LGALS8: variants seen among roughly 807,000 people sequenced by gnomAD.
The protein encoded by LGALS8 is galectin-8.
Under a neutral mutation model 35.9 loss-of-function variants are expected in LGALS8, and 30 were observed. That is an observed-to-expected ratio of 0.83 (90% CI 0.62 to 1.13). The LOEUF (loss-of-function observed/expected upper bound fraction) is 1.13, where lower values mean the gene tolerates loss of function less well. Among genes scored for constraint, LGALS8 ranks in the 50% most tolerant of loss-of-function variants. The pLI is 0.00. For missense variants in LGALS8, 366 were observed against 388.7 expected (o/e 0.94, Z 0.49); for synonymous variants, 138 against 136.1 (o/e 1.01, Z -0.10).
At chr1:236,545,081 G>C in intron 9 of LGALS8, 166 bp downstream of exon 9, 1 of 525,790 alleles carries the variant, frequency 1.9e-6, no homozygotes, top group Admixed American at 3.4e-5. Context: ...TGGGCAATCA[G>C]TATAAATGGC....
At chr1:236,545,949 G>C (rs886142562) in intron 9 of LGALS8, among the ~76,000 whole-genome samples, 1 of 152,164 alleles carries the variant, frequency 6.6e-6, no homozygotes, top group African/African-American at 2.4e-5. Context: ...GGGTTCACTG[G>C]AGGGAAACAG....
At chr1:236,523,183 A>G (rs1660606129), upstream of LGALS8, 1 of 152,220 alleles carries the variant, frequency 6.6e-6, no homozygotes, top group Admixed American at 6.5e-5. Context: ...CGGGTATTTA[A>G]GAGCATCTAA....
rs111840857 is a variant in LGALS8 at position 236,535,017 on chromosome 1, C to T, written c.46-2480C>T. Among the ~76,000 whole-genome samples, 214 of 137,460 alleles carry T rather than the reference C, an allele frequency of 1.6e-3. 1 individual carries two copies. The highest frequency in any genetic ancestry group is 5.1e-3 in the African/African-American group (185 of 36,462). The allele number at this position is 137,460 out of a possible 152,430, so 90.2% of individuals were successfully genotyped here. On this transcript the variant is annotated intron_variant, in intron 2 of 9. Transcript: ENST00000366584. ...CAGAGGTTGCAGTGAGCTGAGATCA[C>T]GCCACTGCACTCTAGCCTGGGGGAC...
chr1:236,540,393 C>T, intron 4 of LGALS8, 171 bp from the exon 5 acceptor site: 1 of 562,986 alleles, frequency 1.8e-6, no homozygotes, highest in Non-Finnish European at 2.8e-6. Flanking sequence ...AGTTTGGAAG[C>T]ACTGCTAGTG....
intron 6 of LGALS8, 113 bp downstream of exon 6, chr1:236,541,823 G>A: frequency 1.8e-6 from 1 of 571,198 alleles, no homozygotes; most frequent in East Asian, 3.3e-5. Context: ...TAGAACGCAA[G>A]TAATCACTTG....
intron 8 of LGALS8, among the ~76,000 whole-genome samples, chr1:236,544,531 G>GA (rs1553278249): frequency 6.7e-6 from 1 of 149,332 alleles, no homozygotes; most frequent in East Asian, 2.0e-4. Flanking sequence ...ATTTTAAAGG[G>GA]TTTTTTTTTT....
intron 6 of LGALS8, chr1:236,542,485 A>G (rs1174219141): frequency 2.0e-6 from 1 of 496,504 alleles, no homozygotes; most frequent in Non-Finnish European, 3.6e-6. Context: ...GTCTCTTAAA[A>G]AAATTTCATA....
At chr1:236,540,376 CAA>C (rs1661899912) in intron 4 of LGALS8, 186 bp from the exon 5 acceptor site, 1 of 510,478 alleles carries the variant, frequency 2.0e-6, no homozygotes, top group Non-Finnish European at 3.3e-6. Context: ...ATCAGGAACT[CAA>C]AAGAAGTTTG....
chr1:236,534,385 T>G (rs1464867023), intron 2 of LGALS8, among the ~76,000 whole-genome samples: 3 of 152,204 alleles, frequency 2.0e-5, no homozygotes, highest in Non-Finnish European at 4.4e-5. Context: ...AAGGGTGTTT[T>G]GGGAAATAAC....
In LGALS8 at chr1:236,552,408, C is replaced by A; in HGVS notation, c.*4247C>A. ...TAAAAAAAACCAATAAAATAAAATG[C>A]CGCATGCAAACTCAAGTGTGTCACC... On this transcript the variant is annotated 3_prime_UTR_variant, in exon 10 of 10. Coordinates refer to ENST00000366584, the MANE Select transcript of LGALS8 (RefSeq NM_201544.4). 1 of 187,624 alleles carries A rather than the reference C, an allele frequency of 5.3e-6. No homozygotes were observed. The highest frequency in any genetic ancestry group is 1.1e-5 in the Non-Finnish European group (1 of 92,000). 11.6% of individuals were successfully genotyped at this position (187,624 alleles called of 1,614,324 possible). A position where few individuals can be genotyped will look rare whatever the true frequency, so the allele number is the denominator to read the frequency against.
chr1:236,539,857 T>G (rs1661848158), intron 4 of LGALS8, among the ~76,000 whole-genome samples: 1 of 152,234 alleles, frequency 6.6e-6, no homozygotes, highest in African/African-American at 2.4e-5. Context: ...TGCTTTGGCT[T>G]TACGTGTTTA....
intron 2 of LGALS8, among the ~76,000 whole-genome samples, chr1:236,528,063 A>C (rs1571990866): frequency 6.6e-6 from 1 of 151,138 alleles, no homozygotes; most frequent in African/African-American, 2.4e-5. Flanking sequence ...ATAATCAATT[A>C]GTATATTTTA....
In LGALS8 at chr1:236,540,635, C is replaced by T; in HGVS notation, c.417C>T (p.Gly139=). ...RIGPEKIDTL[G]IYGKVNIHSI... is the part of the protein sequence containing the mutation. Reference sequence around the variant, plus strand: ...GCCCAGAGAAAATAGACACTCTGGGCATTTATGGCAAAGTGAATATTCACT... The same window carrying T: ...GCCCAGAGAAAATAGACACTCTGGGTATTTATGGCAAAGTGAATATTCACT... The change falls in exon 5 of 10, where the codon GGC becomes GGT. Residue 139 remains glycine, a synonymous_variant. Transcript: ENST00000366584. 1 of 1,611,192 alleles carries T rather than the reference C, an allele frequency of 6.2e-7. No homozygotes were observed. The highest frequency in any genetic ancestry group is 8.5e-7 in the Non-Finnish European group (1 of 1,178,842).
chr1:236,539,595 A>ACG (rs368254803), intron 4 of LGALS8, among the ~76,000 whole-genome samples: 21 of 151,888 alleles, frequency 1.4e-4, no homozygotes, highest in Non-Finnish European at 2.1e-4. Flanking sequence ...CCTAGCGTGT[A>ACG]TGTGTACGGT....
upstream of LGALS8, among the ~76,000 whole-genome samples, chr1:236,521,573 A>G (rs1660550969): frequency 6.6e-6 from 1 of 152,202 alleles, no homozygotes; most frequent in African/African-American, 2.4e-5. Context: ...TCACACCTGC[A>G]ATCCCAGGTT....
intron 2 of LGALS8, among the ~76,000 whole-genome samples, chr1:236,531,168 T>A (rs999730789): frequency 6.6e-6 from 1 of 152,214 alleles, no homozygotes; most frequent in Non-Finnish European, 1.5e-5. Flanking sequence ...TGTGAAGGGC[T>A]GTGTCTTTTT....
intron 3 of LGALS8, among the ~76,000 whole-genome samples, chr1:236,537,995 C>T (rs1661669434): frequency 6.8e-6 from 1 of 146,500 alleles, no homozygotes; most frequent in African/African-American, 2.5e-5. Context: ...GTTGTAGCTA[C>T]TCAGGGGGCT....
intron 9 of LGALS8, among the ~76,000 whole-genome samples, chr1:236,547,266 T>C (rs867879023): frequency 6.6e-6 from 1 of 152,214 alleles, no homozygotes; most frequent in African/African-American, 2.4e-5. Flanking sequence ...GTAAAGGTGA[T>C]GTAAAAGGCT....
chr1:236,551,361 AC>A lies in LGALS8; in HGVS notation c.*3204del. Reference sequence around the variant, plus strand: ...AAAGGACTGATCTACTTGCTCCACCACCCCTCCCTTAATAATAACATTTACT... The same window carrying A: ...AAAGGACTGATCTACTTGCTCCACCACCCTCCCTTAATAATAACATTTACT... On this transcript the variant is annotated 3_prime_UTR_variant, in exon 10 of 10. Coordinates refer to ENST00000366584, the MANE Select transcript of LGALS8 (RefSeq NM_201544.4). 5.3e-6 allele frequency: 1 copy of A among 188,298 alleles called. No individual in the cohort carries two copies. The highest frequency in any genetic ancestry group is 1.1e-5 in the Non-Finnish European group (1 of 91,896). 11.7% of individuals were successfully genotyped at this position (188,298 alleles called of 1,614,324 possible).
Sources: gnomAD v4.1 joint callset for allele counts (sites outside exome capture counted in the v4.1 genomes callset) on GRCh38, gnomAD v4.1.1 for gene constraint, MANE v1.5 for transcripts, NCBI Gene and HGNC (gene_info 2026-07-23, HGNC 2026-07-21) for gene names.